The following KLHL29 variants were observed in gnomAD, a reference collection of about 807,000 sequenced individuals.
KLHL29 encodes the protein kelch-like protein 29.
In KLHL29, 21 loss-of-function variants were observed where a neutral mutation model predicts 80.4. That is an observed-to-expected ratio of 0.26 (90% CI 0.19 to 0.38). The LOEUF (loss-of-function observed/expected upper bound fraction) is 0.38. Ranked by LOEUF, KLHL29 falls within the 10% of genes least tolerant of loss-of-function variation. The pLI is 1.00. For missense variants in KLHL29, 867 were observed against 1,223.9 expected (o/e 0.71, Z 4.35); for synonymous variants, 511 against 526.8 (o/e 0.97, Z 0.41).
intron 2 of KLHL29, among the ~76,000 whole-genome samples, chr2:23,553,686 TACATTTTGGCCCC>T (rs1462788029): frequency 6.6e-6 from 1 of 152,164 alleles, no homozygotes; most frequent in African/African-American, 2.4e-5. Flanking sequence ...GGGGCCTCCA[TACATTTTGGCCCC>T]ACCTGTCACT....
intron 3 of KLHL29, among the ~76,000 whole-genome samples, chr2:23,637,612 C>T (rs1311155318): frequency 6.6e-6 from 1 of 152,238 alleles, no homozygotes; most frequent in East Asian, 1.9e-4. Flanking sequence ...TGGGATACGG[C>T]TCCCGTTCCT....
chr2:23,596,181 G>T lies in KLHL29; in HGVS notation c.285+33700G>T, dbSNP rs1275618616. On this transcript the variant is annotated intron_variant, in intron 3 of 13. Coordinates refer to ENST00000486442, the MANE Select transcript of KLHL29 (RefSeq NM_052920.2). The surrounding 1 kb of genome is among the most constrained non-coding windows in gnomAD (Gnocchi z 4.4). ...AGCCAGCCGGACGGGCAGGCCGGGG[G>T]CGGGGCAGGGCAACAGCCTTGTACC... Among the ~76,000 whole-genome samples, 1 of 152,264 alleles carries T rather than the reference G, an allele frequency of 6.6e-6. No individual in the cohort carries two copies. Among genetic ancestry groups the T allele is most frequent in the Non-Finnish European group, 1.5e-5 (1 of 68,048 alleles).
At chr2:23,570,606 C>T (rs999140773) in intron 3 of KLHL29, among the ~76,000 whole-genome samples, 5 of 152,140 alleles carry the variant, frequency 3.3e-5, no homozygotes, top group Admixed American at 6.5e-5. Flanking sequence ...GGCTCTTGCC[C>T]GGCCCAGTTG....
chr2:23,670,301 G>C (rs1572482011), intron 5 of KLHL29: 1 of 152,294 alleles, frequency 6.6e-6, no homozygotes, highest in Non-Finnish European at 1.5e-5. Context: ...GGGAGGACGG[G>C]GGTGTCAGTA....
intron 1 of KLHL29, among the ~76,000 whole-genome samples, chr2:23,418,771 TA>T (rs1365504463): frequency 6.6e-6 from 1 of 152,058 alleles, no homozygotes; most frequent in Non-Finnish European, 1.5e-5. Context: ...GAGTCAGGGA[TA>T]ACCTTACCCA....
Position 23,696,327 on chromosome 2 carries a change from C to G in KLHL29, c.1925-6C>G. ...CCGCTCTCTCTGCCTCCCACACTGC[C>G]TCCAGGTGGGATGGAATCAGGGGTG... On this transcript the variant is annotated splice_region_variant and splice_polypyrimidine_tract_variant and intron_variant, in intron 10 of 13. Transcript: ENST00000486442. The surrounding 1 kb of genome is among the most constrained non-coding windows in gnomAD (Gnocchi z 5.5). 1 of 1,551,218 alleles carries G rather than the reference C, an allele frequency of 6.4e-7. No individual in the cohort carries two copies. Among genetic ancestry groups the G allele is most frequent in the Non-Finnish European group, 8.7e-7 (1 of 1,146,704 alleles).
intron 11 of KLHL29, among the ~76,000 whole-genome samples, chr2:23,701,523 G>A (rs1672364548): frequency 6.6e-6 from 1 of 152,156 alleles, no homozygotes; most frequent in African/African-American, 2.4e-5. Flanking sequence ...GACCAGCCTG[G>A]GCAACATAGG....
intron 2 of KLHL29, among the ~76,000 whole-genome samples, chr2:23,488,259 C>T: frequency 6.6e-6 from 1 of 152,356 alleles, no homozygotes; most frequent in Middle Eastern, 3.4e-3. Context: ...CTGACAATCT[C>T]CACCTGCTAT....
At chr2:23,670,322 G>A in intron 5 of KLHL29, 1 of 152,288 alleles carries the variant, frequency 6.6e-6, no homozygotes, top group East Asian at 1.9e-4. Context: ...CAGCCCACCT[G>A]TTGGTCCTTT....
At chr2:23,598,409 CA>C (rs1259932733) in intron 3 of KLHL29, among the ~76,000 whole-genome samples, 1 of 152,222 alleles carries the variant, frequency 6.6e-6, no homozygotes, top group Non-Finnish European at 1.5e-5. Context: ...AAGGAAAATT[CA>C]GATGATATTC....
intron 7 of KLHL29, 64 bp downstream of exon 7, chr2:23,691,940 A>G: frequency 1.4e-6 from 2 of 1,479,542 alleles, no homozygotes; most frequent in Non-Finnish European, 1.8e-6. Flanking sequence ...GAACTCCATA[A>G]ACAGCAAGGA....
chr2:23,671,395 C>T (rs1175243694), intron 5 of KLHL29, among the ~76,000 whole-genome samples: 1 of 152,046 alleles, frequency 6.6e-6, no homozygotes, highest in Admixed American at 6.5e-5. Context: ...GGCTGACTTT[C>T]CCAAAGCCGT....
intron 1 of KLHL29, among the ~76,000 whole-genome samples, chr2:23,389,506 G>A (rs1438857132): frequency 6.9e-6 from 1 of 145,174 alleles, no homozygotes; most frequent in East Asian, 2.0e-4. Flanking sequence ...GAAACATCAT[G>A]AATAAGAAAT....
intron 1 of KLHL29, among the ~76,000 whole-genome samples, chr2:23,410,009 A>T (rs1470851037): frequency 6.6e-6 from 1 of 152,100 alleles, no homozygotes; most frequent in Non-Finnish European, 1.5e-5. Context: ...CTTCAAGGAG[A>T]TGCGAAAAGG....
At chr2:23,561,834 C>T (rs1667454464) in intron 2 of KLHL29, among the ~76,000 whole-genome samples, 1 of 152,066 alleles carries the variant, frequency 6.6e-6, no homozygotes, top group South Asian at 2.1e-4. Flanking sequence ...GATAAAGTCC[C>T]ATCCATAATT....
chr2:23,533,932 GTTGTT>G (rs1666581671), intron 2 of KLHL29, among the ~76,000 whole-genome samples: 1 of 122,414 alleles, frequency 8.2e-6, no homozygotes, highest in Admixed American at 7.5e-5. Flanking sequence ...TATGGTGTCT[GTTGTT>G]TTTTTTTTTT....
chr2:23,701,130 T>C (rs1003211228), intron 11 of KLHL29, among the ~76,000 whole-genome samples: 3 of 152,012 alleles, frequency 2.0e-5, no homozygotes, highest in African/African-American at 7.3e-5. Context: ...AACCTTCCCA[T>C]CCCACCAGTA....
intron 1 of KLHL29, among the ~76,000 whole-genome samples, chr2:23,408,308 T>C (rs980915457): frequency 7.1e-6 from 1 of 140,438 alleles, no homozygotes; most frequent in Non-Finnish European, 1.6e-5. Flanking sequence ...AAAATTGAGT[T>C]TTTTTTTTAC....
intron 3 of KLHL29, among the ~76,000 whole-genome samples, chr2:23,593,876 G>A (rs867290713): frequency 7.2e-5 from 11 of 152,288 alleles, no homozygotes; most frequent in African/African-American, 2.6e-4. Flanking sequence ...TGTCGCCTAC[G>A]TGCTTGTTGT....
Sources: gnomAD v4.1 joint callset for allele counts (sites outside exome capture counted in the v4.1 genomes callset) on GRCh38, gnomAD v4.1.1 for gene constraint, Gnocchi (gnomAD v3.1) non-coding constraint, MANE v1.5 for transcripts, NCBI Gene and HGNC (gene_info 2026-07-23, HGNC 2026-07-21) for gene names.